P4HA3: variants seen among roughly 807,000 people sequenced by gnomAD.
P4HA3 encodes prolyl 4-hydroxylase subunit alpha-3.
P4HA3 carries 60 observed loss-of-function variants against 66.7 expected under a neutral mutation model. The ratio of observed to expected loss-of-function variants is 0.90; its 90% CI spans 0.73 to 1.12. The LOEUF (loss-of-function observed/expected upper bound fraction) is 1.12, where lower values mean the gene tolerates loss of function less well. Among genes scored for constraint, P4HA3 ranks in the 50% most tolerant of loss-of-function variants. The pLI is 0.00. For synonymous variants in P4HA3, 263 were observed against 274.6 expected (o/e 0.96, Z 0.42); for missense variants, 683 against 685.8 (o/e 1.00, Z 0.05).
At chr11:74,286,541 G>A in intron 5 of P4HA3, 150 bp from the exon 6 acceptor site, 2 of 616,592 alleles carry the variant, frequency 3.2e-6, no homozygotes, top group Non-Finnish European at 5.0e-6. Context: ...ACAGGAGGAT[G>A]CAAGGCCCTC....
chr11:74,309,737 T>G (rs912466817), intron 1 of P4HA3, among the ~76,000 whole-genome samples: 4 of 152,242 alleles, frequency 2.6e-5, no homozygotes, highest in African/African-American at 9.6e-5. Flanking sequence ...TCTTCATTTA[T>G]TGTTAAAATT....
chr11:74,271,706 G>A (rs910246717), intron 10 of P4HA3, among the ~76,000 whole-genome samples: 1 of 152,002 alleles, frequency 6.6e-6, no homozygotes, highest in Non-Finnish European at 1.5e-5. Flanking sequence ...TCACCAACTG[G>A]ACTTCAACTC....
intron 15 of P4HA3, among the ~76,000 whole-genome samples, chr11:74,256,772 C>T (rs1859838257): frequency 1.3e-5 from 2 of 152,066 alleles, no homozygotes; most frequent in African/African-American, 2.4e-5. Flanking sequence ...GAAACTCCTT[C>T]CCAAAAAAGG....
At chr11:74,251,182 T>A in intron 15 of P4HA3, 1 of 1,459,936 alleles carries the variant, frequency 6.8e-7, no homozygotes, top group South Asian at 1.4e-5. Flanking sequence ...TGGCAGCTGC[T>A]TATGGTATTG....
rs1237487780 is a variant in P4HA3 at position 74,267,162 on chromosome 11, C to G, written c.*86G>C. ...CAAGGCCTTCTTCCAGGAGGCTGCTCTGCTTTCTCCTCTCCTACCCCAGCT... is the reference window on the plus strand; with the variant it reads ...CAAGGCCTTCTTCCAGGAGGCTGCTGTGCTTTCTCCTCTCCTACCCCAGCT... On this transcript the variant is annotated 3_prime_UTR_variant, in exon 13 of 13. Coordinates refer to ENST00000331597, the MANE Select transcript of P4HA3 (RefSeq NM_182904.5). The G allele has an allele frequency of 6.3e-7, 1 of 1,597,522 alleles. No homozygotes were observed. The highest frequency in any genetic ancestry group is 8.5e-7 in the Non-Finnish European group (1 of 1,173,650).
chr11:74,272,061 T>C (rs1350619089), intron 10 of P4HA3, among the ~76,000 whole-genome samples: 1 of 152,150 alleles, frequency 6.6e-6, no homozygotes, highest in Non-Finnish European at 1.5e-5. Context: ...ATAGATGTAA[T>C]CTGTGCTGAG....
At chr11:74,271,822 C>T (rs903455043) in intron 10 of P4HA3, among the ~76,000 whole-genome samples, 56 of 152,118 alleles carry the variant, frequency 3.7e-4, no homozygotes, top group African/African-American at 1.3e-3. Context: ...GAAATTGTCT[C>T]GAGAAATCCC....
chr11:74,302,582 A>T lies in P4HA3; in HGVS notation c.354T>A (p.Asp118Glu), dbSNP rs1375875249. ...EASENIRALK[D>E]GYEKVEQDLP... ...GGTCTTGCTCCACCTTCTCATAGCCATCCTTCAGAGCTGTAAAAGTAGTAA... is the reference window on the plus strand; with the variant it reads ...GGTCTTGCTCCACCTTCTCATAGCCTTCCTTCAGAGCTGTAAAAGTAGTAA... Residue 118 changes from aspartate to glutamate, a missense_variant, in exon 3 of 13, where the codon GAT becomes GAA. Physicochemically the swap from Asp to Glu is conservative, Grantham distance 45 (BLOSUM62 2). Transcript: ENST00000331597. 82 of 1,613,590 alleles carry T rather than the reference A, an allele frequency of 5.1e-5. No individual in the cohort carries two copies. The highest frequency in any genetic ancestry group is 6.6e-5 in the Non-Finnish European group (78 of 1,179,868).
At position 74,285,922 on chromosome 11, in the gene P4HA3, GC is replaced by G. The variant is rs777564625; in HGVS notation, c.996del (p.Leu333CysfsTer63). 5 of 1,611,696 alleles carry G rather than the reference GC, an allele frequency of 3.1e-6. No individual in the cohort carries two copies. In the South Asian group the frequency reaches 5.5e-5, roughly 18 times the overall value. On this transcript the variant is annotated frameshift_variant, in exon 7 of 13. Coordinates refer to ENST00000331597, the MANE Select transcript of P4HA3 (RefSeq NM_182904.5). LOFTEE classifies it high-confidence loss of function. Reference sequence around the variant, plus strand: ...ACCTCCTTCCGGATGGGCTGGAGCAGCAGGTAGGCGTTGGAATTGGTCTCAT... The same window carrying G: ...ACCTCCTTCCGGATGGGCTGGAGCAGAGGTAGGCGTTGGAATTGGTCTCAT... ...CSYETNSNAY[L>X]LLQPIRKEVI...
At chr11:74,269,612 C>T (rs916722471) in intron 11 of P4HA3, 40 bp downstream of exon 11, 1 of 1,587,798 alleles carries the variant, frequency 6.3e-7, no homozygotes, top group East Asian at 2.3e-5. Context: ...AAGCGCTGCA[C>T]TCCCTCAACC....
At chr11:74,277,232 T>C (rs2134742200) in intron 8 of P4HA3, 88 bp from the exon 9 acceptor site, 1 of 1,448,844 alleles carries the variant, frequency 6.9e-7, no homozygotes. Context: ...AACAAATGAA[T>C]TATGTTAATT....
chr11:74,258,052 A>T (rs182087316), intron 15 of P4HA3, among the ~76,000 whole-genome samples: 4 of 151,792 alleles, frequency 2.6e-5, no homozygotes, highest in African/African-American at 7.3e-5. Flanking sequence ...ACGCAGTCAC[A>T]CTCCTCCCTG....
chr11:74,309,887 C>T (rs1861678224), intron 1 of P4HA3, among the ~76,000 whole-genome samples: 1 of 152,192 alleles, frequency 6.6e-6, no homozygotes, highest in African/African-American at 2.4e-5. Flanking sequence ...CCACAAAATG[C>T]TTCTCTTCTA....
intron 15 of P4HA3, chr11:74,251,435 T>C: frequency 7.1e-7 from 1 of 1,408,190 alleles, no homozygotes; most frequent in South Asian, 1.7e-5. Context: ...GTCATTCCTC[T>C]TGAGCTCTAT....
At chr11:74,294,794 G>A (rs909933047) in intron 4 of P4HA3, among the ~76,000 whole-genome samples, 23 of 152,176 alleles carry the variant, frequency 1.5e-4, no homozygotes, top group Non-Finnish European at 2.4e-4. Context: ...CTGCCTGATC[G>A]TTCCTCTGGA....
chr11:74,296,387 A>T (rs1302139020), intron 4 of P4HA3, among the ~76,000 whole-genome samples: 1 of 152,226 alleles, frequency 6.6e-6, no homozygotes, highest in Non-Finnish European at 1.5e-5. Flanking sequence ...TATATAATGA[A>T]ATAAAATACA....
At chr11:74,268,365 G>C (rs1356348313) in intron 11 of P4HA3, 124 bp from the exon 12 acceptor site, 18 of 791,568 alleles carry the variant, frequency 2.3e-5, no homozygotes, top group Non-Finnish European at 3.8e-5. Flanking sequence ...TGGGGGCAAT[G>C]CATGCATAAA....
At chr11:74,264,375 T>C (rs577969435), downstream of P4HA3, among the ~76,000 whole-genome samples, 1 of 152,258 alleles carries the variant, frequency 6.6e-6, no homozygotes, top group East Asian at 1.9e-4. Flanking sequence ...CCCTAATACA[T>C]GCAAAGCCTG....
intron 15 of P4HA3, chr11:74,254,693 C>T (rs1481534532): frequency 6.6e-6 from 1 of 152,644 alleles, no homozygotes; most frequent in Non-Finnish European, 1.5e-5. Flanking sequence ...ATAAATATCT[C>T]CCAACCTTTA....
Sources: gnomAD v4.1 joint callset for allele counts (sites outside exome capture counted in the v4.1 genomes callset) on GRCh38, gnomAD v4.1.1 for gene constraint, MANE v1.5 for transcripts, NCBI Gene and HGNC (gene_info 2026-07-23, HGNC 2026-07-21) for gene names.